BTBD16: variants seen among roughly 807,000 people sequenced by gnomAD.
BTBD16 encodes BTB/POZ domain-containing protein 16.
Under a neutral mutation model 67.4 loss-of-function variants are expected in BTBD16, and 66 were observed. The observed-to-expected ratio is 0.98, with a 90% confidence interval of 0.80 to 1.20. The LOEUF is 1.20. Among genes scored for constraint, BTBD16 ranks in the 50% most tolerant of loss-of-function variants. BTBD16 has a pLI of 0.00. For synonymous variants in BTBD16, 242 were observed against 236.4 expected, an observed-to-expected ratio of 1.02 and a Z score of -0.22; for missense variants, 634 against 616.0, an observed-to-expected ratio of 1.03 and a Z score of -0.31.
chr10:122,327,605 T>C (rs921608812), intron 10 of BTBD16: 1 of 985,282 alleles, frequency 1.0e-6, no homozygotes, highest in Admixed American at 6.1e-5. Flanking sequence ...ATGAGATGAC[T>C]CATGGCCTCT....
rs752679518 is a variant in BTBD16, at chr10:122,297,845, C to A, written c.660+8C>A. The A allele has an allele frequency of 6.2e-7, 1 of 1,613,870 alleles. No individual in the cohort carries two copies. The highest frequency in any genetic ancestry group is 8.5e-7 in the Non-Finnish European group (1 of 1,179,952). On this transcript the variant is annotated splice_region_variant and intron_variant, in intron 8 of 15. Coordinates refer to ENST00000260723, the MANE Select transcript of BTBD16 (RefSeq NM_144587.5). ...TACGAGGCCGGCTGCAAGGTGAGAA[C>A]AACCCAGACGGGGCACATCGCCCCT...
chr10:122,313,176 C>G (rs2096417230), intron 10 of BTBD16, among the ~76,000 whole-genome samples: 1 of 151,796 alleles, frequency 6.6e-6, no homozygotes, highest in Non-Finnish European at 1.5e-5. Flanking sequence ...TGTGCCTGGC[C>G]TCATAATGCT....
At chr10:122,304,474 C>G (rs1414579399) in intron 9 of BTBD16, among the ~76,000 whole-genome samples, 1 of 151,712 alleles carries the variant, frequency 6.6e-6, no homozygotes, top group African/African-American at 2.4e-5. Context: ...CCATAGATAA[C>G]CATCAGAGGC....
rs775270885 is a variant in BTBD16, at chr10:122,297,790, A to G, written c.613A>G (p.Arg205Gly). ...CAGGTGCGTGGATGTGATGATAGCCAGACTCAAGCCAAGCACCATCAAGAA... is the reference window on the plus strand; with the variant it reads ...CAGGTGCGTGGATGTGATGATAGCCGGACTCAAGCCAAGCACCATCAAGAA... Reference protein sequence around the residue: ...FQRCVDVMIARLKPSTIKKFY... With the variant: ...FQRCVDVMIAGLKPSTIKKFY... Residue 205 changes from arginine to glycine, a missense_variant, in exon 8 of 16, where the codon AGA (arginine) becomes GGA (glycine). Coordinates refer to ENST00000260723, the MANE Select transcript of BTBD16 (RefSeq NM_144587.5). 1 of 1,614,212 alleles carries G rather than the reference A, an allele frequency of 6.2e-7. No homozygotes were observed. Among genetic ancestry groups the G allele is most frequent in the Admixed American group, 1.7e-5 (1 of 60,032 alleles).
chr10:122,335,909 C>T (rs2096462601), intron 14 of BTBD16, among the ~76,000 whole-genome samples: 1 of 152,004 alleles, frequency 6.6e-6, no homozygotes, highest in Non-Finnish European at 1.5e-5. Context: ...CACTCTGTTG[C>T]CCAGGCTGCA....
chr10:122,293,813 G>A (rs1441600631), intron 7 of BTBD16, among the ~76,000 whole-genome samples: 2 of 152,186 alleles, frequency 1.3e-5, no homozygotes, highest in Non-Finnish European at 2.9e-5. Context: ...TGCTGGCAGG[G>A]TAGCTTCCAT....
Position 122,289,973 on chromosome 10 carries a change from C to A in BTBD16, c.450C>A (p.Ile150=). The change falls in exon 6 of 16, where the codon ATC becomes ATA. Residue 150 remains isoleucine, a synonymous_variant. Coordinates refer to ENST00000260723, the MANE Select transcript of BTBD16 (RefSeq NM_144587.5). The stretch of plus-strand genomic sequence containing the variant: ...AGAGGATCATCATTTCCTTGAAGAT[C>A]AATGACCCACTGGTCACTAAAGTCG... The part of the protein sequence containing the change: ...PAKRIIISLK[I]NDPLVTKVAF... 1 of 1,613,396 alleles carries A rather than the reference C, an allele frequency of 6.2e-7. No individual in the cohort carries two copies. Among genetic ancestry groups the A allele is most frequent in the Non-Finnish European group, 8.5e-7 (1 of 1,179,496 alleles).
At chr10:122,333,743 T>C (rs546976932) in intron 13 of BTBD16, among the ~76,000 whole-genome samples, 23 of 151,742 alleles carry the variant, frequency 1.5e-4, no homozygotes, top group Non-Finnish European at 2.6e-4. Context: ...AAATATCTTC[T>C]TCCTTTTTGC....
At chr10:122,311,188 A>T (rs1374910566) in intron 10 of BTBD16, among the ~76,000 whole-genome samples, 1 of 152,176 alleles carries the variant, frequency 6.6e-6, no homozygotes, top group East Asian at 1.9e-4. Context: ...AGACACTGAC[A>T]TAATGTTGAA....
intron 2 of BTBD16, among the ~76,000 whole-genome samples, chr10:122,276,526 C>T (rs1013880374): frequency 2.6e-5 from 4 of 152,220 alleles, no homozygotes; most frequent in Admixed American, 6.5e-5. Context: ...CTGCAAAAAA[C>T]AGTCTTTCTC....
At chr10:122,304,690 G>A (rs1162880996) in intron 9 of BTBD16, among the ~76,000 whole-genome samples, 1 of 151,718 alleles carries the variant, frequency 6.6e-6, no homozygotes, top group Non-Finnish European at 1.5e-5. Context: ...GAGTAGCTGG[G>A]ACTCAGGCGC....
intron 10 of BTBD16, among the ~76,000 whole-genome samples, chr10:122,317,720 A>G (rs573481904): frequency 1.3e-5 from 2 of 152,296 alleles, no homozygotes; most frequent in South Asian, 4.2e-4. Context: ...GTATTAGCCT[A>G]GGTCCACACA....
intron 10 of BTBD16, among the ~76,000 whole-genome samples, chr10:122,321,701 AGTT>A (rs1023742585): frequency 2.6e-5 from 4 of 151,758 alleles, no homozygotes; most frequent in Non-Finnish European, 5.9e-5. Flanking sequence ...TTTTTAATGG[AGTT>A]GTTTTTTGCT....
chr10:122,334,194 CT>C (rs71301565), intron 13 of BTBD16, among the ~76,000 whole-genome samples: 3,152 of 93,068 alleles, frequency 0.034, 77 homozygotes, highest in African/African-American at 0.12. Context: ...GTCCTCTTGA[CT>C]TTTTTTTTTT....
intron 10 of BTBD16, among the ~76,000 whole-genome samples, chr10:122,322,127 T>A (rs180792456): frequency 1.3e-4 from 20 of 152,318 alleles, no homozygotes; most frequent in African/African-American, 2.4e-4. Context: ...TTCATTTTTT[T>A]AAAAAACACC....
At chr10:122,293,472 C>T (rs908026357) in intron 7 of BTBD16, among the ~76,000 whole-genome samples, 8 of 152,132 alleles carry the variant, frequency 5.3e-5, no homozygotes, top group South Asian at 2.1e-4. Flanking sequence ...TTGAAGAGGG[C>T]CTGGAGTCTT....
chr10:122,331,095 C>T, intron 11 of BTBD16, 81 bp from the exon 12 acceptor site: 1 of 1,544,922 alleles, frequency 6.5e-7, no homozygotes, highest in South Asian at 1.3e-5. Context: ...CGGACTTCTT[C>T]CTTTTCCTTT....
chr10:122,295,413 G>T (rs924923816), intron 7 of BTBD16: 2 of 985,340 alleles, frequency 2.0e-6, no homozygotes, highest in African/African-American at 3.5e-5. Flanking sequence ...CCCAGGTTAT[G>T]CAGGATCTTG....
intron 9 of BTBD16, among the ~76,000 whole-genome samples, chr10:122,302,773 G>C (rs764861486): frequency 2.6e-5 from 4 of 152,200 alleles, no homozygotes; most frequent in Non-Finnish European, 5.9e-5. Context: ...TATTCTGAGT[G>C]AGTTACCCAG....
Sources: gnomAD v4.1 joint callset for allele counts (sites outside exome capture counted in the v4.1 genomes callset) on GRCh38, gnomAD v4.1.1 for gene constraint, MANE v1.5 for transcripts, NCBI Gene and HGNC (gene_info 2026-07-23, HGNC 2026-07-21) for gene names.